Variants in NUBPL observed in about 807,000 individuals in gnomAD.
NUBPL encodes NUBP iron-sulfur cluster assembly factor, mitochondrial.
NUBPL carries 31 observed loss-of-function variants against 45.7 expected under a neutral mutation model. The observed-to-expected ratio is 0.68, with a 90% CI of 0.51 to 0.92. The LOEUF is 0.92. NUBPL is among the 40% of genes least tolerant of loss of function. NUBPL has a pLI of 0.00. For missense variants in NUBPL, 401 were observed against 398.7 expected (o/e 1.01, Z -0.05); for synonymous variants, 144 against 140.9 (o/e 1.02, Z -0.15).
chr14:31,593,376 T>C (rs1391391588), intron 3 of NUBPL, among the ~76,000 whole-genome samples: 1 of 151,652 alleles, frequency 6.6e-6, no homozygotes, highest in Non-Finnish European at 1.5e-5. Flanking sequence ...TAGCCGGGTG[T>C]GCTGGGGGGC....
rs201022421 is a variant in NUBPL, at chr14:31,791,110, G to A, written c.607+3237G>A. On this transcript the variant is annotated intron_variant, in intron 7 of 10. Transcript: ENST00000281081. ...ATAGTGAGACCCTATCTGTACAAAAGAATATTAAACAAAAAAAGTTAGCTG... is the reference window on the plus strand; with the variant it reads ...ATAGTGAGACCCTATCTGTACAAAAAAATATTAAACAAAAAAAGTTAGCTG... Among the ~76,000 whole-genome samples the A allele has an allele frequency of 7.9e-5, 12 of 151,468 alleles. No individual in the cohort carries two copies. In the East Asian group the frequency reaches 2.4e-3, roughly 30 times the overall value.
intron 3 of NUBPL, among the ~76,000 whole-genome samples, chr14:31,585,984 T>C (rs1454508168): frequency 6.6e-6 from 1 of 152,222 alleles, no homozygotes; most frequent in Non-Finnish European, 1.5e-5. Flanking sequence ...TTAAAACATG[T>C]TTTGTATCTT....
At chr14:31,575,182 G>T (rs796769728) in intron 3 of NUBPL, among the ~76,000 whole-genome samples, 8 of 152,044 alleles carry the variant, frequency 5.3e-5, no homozygotes, top group African/African-American at 1.9e-4. Context: ...TTAGCCCTTT[G>T]AAGTTCTGTG....
intron 7 of NUBPL, among the ~76,000 whole-genome samples, chr14:31,799,544 A>G (rs998611053): frequency 1.3e-5 from 2 of 152,208 alleles, no homozygotes; most frequent in African/African-American, 2.4e-5. Flanking sequence ...TCAATAAAGC[A>G]AGTATCGTAA....
chr14:31,631,105 T>C (rs989415384), intron 4 of NUBPL, among the ~76,000 whole-genome samples: 1 of 152,190 alleles, frequency 6.6e-6, no homozygotes. Context: ...GACAATAAAC[T>C]GGGGCAGTCA....
chr14:31,821,555 G>A (rs1351514850), intron 7 of NUBPL, among the ~76,000 whole-genome samples: 1 of 152,198 alleles, frequency 6.6e-6, no homozygotes, highest in Admixed American at 6.5e-5. Flanking sequence ...ACAAGGATGT[G>A]AGGAAAAGGG....
At chr14:31,731,766 C>T (rs780185679) in intron 6 of NUBPL, among the ~76,000 whole-genome samples, 31 of 152,168 alleles carry the variant, frequency 2.0e-4, no homozygotes, top group Non-Finnish European at 4.1e-4. Context: ...AGGAATAACA[C>T]AGCCTCCTTT....
intron 3 of NUBPL, among the ~76,000 whole-genome samples, chr14:31,574,526 A>G (rs2033668739): frequency 6.6e-6 from 1 of 151,132 alleles, no homozygotes; most frequent in South Asian, 2.1e-4. Context: ...CGGCCTCCCA[A>G]AGTGCTGGGA....
chr14:31,583,695 T>G (rs1052762857), intron 3 of NUBPL, among the ~76,000 whole-genome samples: 4 of 152,120 alleles, frequency 2.6e-5, no homozygotes, highest in Admixed American at 2.6e-4. Flanking sequence ...GTATGGAGAA[T>G]GGAGGGGATG....
chr14:31,638,166 G>T (rs911110338), intron 4 of NUBPL, among the ~76,000 whole-genome samples: 6 of 151,692 alleles, frequency 4.0e-5, no homozygotes, highest in Admixed American at 2.6e-4. Flanking sequence ...GTTAGTTGAT[G>T]CAATTTCTTC....
At chr14:31,571,477 T>C (rs1022245043) in intron 3 of NUBPL, among the ~76,000 whole-genome samples, 30 of 147,926 alleles carry the variant, frequency 2.0e-4, no homozygotes, top group African/African-American at 6.6e-4. Context: ...TTTTTTTTTT[T>C]CTCACTCTGT....
At chr14:31,853,077 G>GTT (rs1429779622) in intron 10 of NUBPL, among the ~76,000 whole-genome samples, 21 of 59,680 alleles carry the variant, frequency 3.5e-4, no homozygotes, top group African/African-American at 1.0e-3. Flanking sequence ...GTTGTGTTGT[G>GTT]TTGTGTTTTG....
chr14:31,646,981 G>A (rs2035872866), intron 4 of NUBPL, among the ~76,000 whole-genome samples: 1 of 151,790 alleles, frequency 6.6e-6, no homozygotes. Flanking sequence ...GATCCAGTCT[G>A]CTGCTGACTA....
intron 6 of NUBPL, among the ~76,000 whole-genome samples, chr14:31,761,372 G>A (rs556580796): frequency 6.6e-6 from 1 of 151,608 alleles, no homozygotes; most frequent in East Asian, 1.9e-4. Context: ...GATGAGGTCA[G>A]TGCTTTTCAA....
intron 6 of NUBPL, among the ~76,000 whole-genome samples, chr14:31,690,429 C>A (rs2037066615): frequency 6.6e-6 from 1 of 152,186 alleles, no homozygotes; most frequent in African/African-American, 2.4e-5. Flanking sequence ...CCCCTGGCCA[C>A]CCAGAACCAT....
chr14:31,602,360 G>A (rs2034461087), intron 4 of NUBPL, among the ~76,000 whole-genome samples: 1 of 145,684 alleles, frequency 6.9e-6, no homozygotes, highest in Non-Finnish European at 1.5e-5. Flanking sequence ...TGCACATTGT[G>A]CACATGTACC....
At chr14:31,723,277 A>G (rs1256286085) in intron 6 of NUBPL, among the ~76,000 whole-genome samples, 1 of 151,820 alleles carries the variant, frequency 6.6e-6, no homozygotes, top group Admixed American at 6.6e-5. Flanking sequence ...TTTCTGGGTT[A>G]TTTATTCTGT....
chr14:31,738,760 C>A (rs554208836), intron 6 of NUBPL, among the ~76,000 whole-genome samples: 1 of 152,154 alleles, frequency 6.6e-6, no homozygotes, highest in East Asian at 1.9e-4. Context: ...TCTGATTTTT[C>A]TGTTTCCTTA....
intron 6 of NUBPL, among the ~76,000 whole-genome samples, chr14:31,737,215 C>A (rs1012165484): frequency 1.3e-5 from 2 of 152,266 alleles, no homozygotes; most frequent in Non-Finnish European, 2.9e-5. Context: ...TTTAAGAAGT[C>A]TTTTCTACCT....
Sources: gnomAD v4.1 joint callset for allele counts (sites outside exome capture counted in the v4.1 genomes callset) on GRCh38, gnomAD v4.1.1 for gene constraint, MANE v1.5 for transcripts, NCBI Gene and HGNC (gene_info 2026-07-23, HGNC 2026-07-21) for gene names.